The following TSPAN18 variants were observed in gnomAD, a reference collection of about 807,000 sequenced individuals.
TSPAN18 encodes the protein tetraspanin 18.
A neutral mutation model predicts 27.3 loss-of-function variants in TSPAN18; 14 were observed. The ratio of observed to expected loss-of-function variants is 0.51; its 90% confidence interval spans 0.34 to 0.80. The LOEUF (loss-of-function observed/expected upper bound fraction) is 0.80, where lower values mean the gene tolerates loss of function less well. Among genes scored for constraint, TSPAN18 ranks in the 30% least tolerant of loss-of-function variants. The pLI is 0.01. For synonymous variants in TSPAN18, 143 were observed against 136.5 expected, an observed-to-expected ratio of 1.05 and a Z score of -0.33; for missense variants, 268 against 323.9, an observed-to-expected ratio of 0.83 and a Z score of 1.32.
intron 2 of TSPAN18, among the ~76,000 whole-genome samples, chr11:44,840,140 T>C (rs835783): frequency 0.88 from 133,393 of 152,246 alleles, 58,510 homozygotes; most frequent in East Asian, 0.93. Flanking sequence ...CCTTGAGCAA[T>C]GTTGTTTGAG....
intron 2 of TSPAN18, among the ~76,000 whole-genome samples, chr11:44,842,922 C>A (rs1229698479): frequency 6.6e-6 from 1 of 152,070 alleles, no homozygotes; most frequent in South Asian, 2.1e-4. Context: ...TTTTCCCTCC[C>A]CCTTCCCCCA....
chr11:44,829,366 C>G (rs2135139947), intron 2 of TSPAN18, among the ~76,000 whole-genome samples: 1 of 152,286 alleles, frequency 6.6e-6, no homozygotes, highest in South Asian at 2.1e-4. Flanking sequence ...CTGAACCTCC[C>G]ACAACCACTA....
At chr11:44,858,791 G>A (rs1020161605) in intron 2 of TSPAN18, among the ~76,000 whole-genome samples, 2 of 152,196 alleles carry the variant, frequency 1.3e-5, no homozygotes, top group Non-Finnish European at 2.9e-5. Flanking sequence ...CTGGGACAGG[G>A]TTGGCTGAAG....
intron 1 of TSPAN18, among the ~76,000 whole-genome samples, chr11:44,727,971 C>G (rs112353474): frequency 0.054 from 8,154 of 152,264 alleles, 295 homozygotes; most frequent in African/African-American, 0.096. Flanking sequence ...GGGATCGCGC[C>G]GGCTCCGGGT....
intron 2 of TSPAN18, among the ~76,000 whole-genome samples, chr11:44,805,826 C>T (rs1358649096): frequency 2.0e-5 from 3 of 152,006 alleles, no homozygotes; most frequent in African/African-American, 4.8e-5. Flanking sequence ...GGTTTGTAGA[C>T]GCATCACTCT....
intron 1 of TSPAN18, among the ~76,000 whole-genome samples, chr11:44,757,954 A>C (rs1855369565): frequency 6.6e-6 from 1 of 152,120 alleles, no homozygotes. Context: ...TTTGATGCAC[A>C]AATTTAAATT....
intron 3 of TSPAN18, among the ~76,000 whole-genome samples, chr11:44,905,442 G>A (rs973263500): frequency 7.9e-5 from 12 of 152,146 alleles, no homozygotes; most frequent in Admixed American, 5.2e-4. Context: ...CGGACATGTC[G>A]TTTTCATTCT....
chr11:44,788,582 G>A (rs747275310), intron 2 of TSPAN18, among the ~76,000 whole-genome samples: 3 of 150,852 alleles, frequency 2.0e-5, no homozygotes, highest in African/African-American at 7.3e-5. Context: ...TCCAGCCTCC[G>A]GAGTAGCTGG....
chr11:44,911,937 C>G (rs1464553542), intron 5 of TSPAN18, among the ~76,000 whole-genome samples: 1 of 143,882 alleles, frequency 7.0e-6, no homozygotes, highest in Admixed American at 6.9e-5. Flanking sequence ...TTCCCCTCCC[C>G]ACCCCCGCCT....
intron 1 of TSPAN18, among the ~76,000 whole-genome samples, chr11:44,739,385 G>A (rs556871345): frequency 6.6e-6 from 1 of 152,332 alleles, no homozygotes; most frequent in South Asian, 2.1e-4. Flanking sequence ...CACTTTGGGA[G>A]GCTGAGGCGG....
chr11:44,916,984 G>A (rs1241210153), intron 5 of TSPAN18, among the ~76,000 whole-genome samples: 4 of 152,220 alleles, frequency 2.6e-5, no homozygotes, highest in Admixed American at 6.5e-5. Context: ...GACCAGGGCC[G>A]GTGATGTGGC....
chr11:44,802,271 C>G (rs767051312), intron 2 of TSPAN18, among the ~76,000 whole-genome samples: 13 of 147,444 alleles, frequency 8.8e-5, no homozygotes, highest in Non-Finnish European at 1.5e-4. Flanking sequence ...CACAAAGGCT[C>G]TGAGATGGGT....
intron 9 of TSPAN18, among the ~76,000 whole-genome samples, chr11:44,927,157 T>C (rs1178846027): frequency 6.6e-6 from 1 of 152,222 alleles, no homozygotes; most frequent in Non-Finnish European, 1.5e-5. Context: ...TGTGGGGTGT[T>C]CAGGGCCTAC....
At chr11:44,913,627 A>G (rs956551378) in intron 5 of TSPAN18, among the ~76,000 whole-genome samples, 1 of 152,272 alleles carries the variant, frequency 6.6e-6, no homozygotes, top group African/African-American at 2.4e-5. Flanking sequence ...TACATGCAGT[A>G]TGTAAATTTG....
rs1859456736 is a variant in TSPAN18 at position 44,906,466 on chromosome 11, ATTTC to A, written c.53_56del (p.Phe18SerfsTer74). 1 of 1,613,896 alleles carries A rather than the reference ATTTC, an allele frequency of 6.2e-7. No individual in the cohort carries two copies. Among genetic ancestry groups the A allele is most frequent in the South Asian group, 1.1e-5 (1 of 91,074 alleles). On this transcript the variant is annotated frameshift_variant, in exon 4 of 10. Coordinates refer to ENST00000520358, the MANE Select transcript of TSPAN18 (RefSeq NM_130783.5). LOFTEE classifies it high-confidence loss of function. ...ATGAAGTATCTGATGTTTGTATTCAATTTCTTCATATTTGTAAGTATTCCTGGGT... is the reference window on the plus strand; with the variant it reads ...ATGAAGTATCTGATGTTTGTATTCAATTCATATTTGTAAGTATTCCTGGGT...
intron 2 of TSPAN18, among the ~76,000 whole-genome samples, chr11:44,784,445 C>A (rs1355142084): frequency 6.6e-6 from 1 of 152,190 alleles, no homozygotes; most frequent in African/African-American, 2.4e-5. Flanking sequence ...TCCACAAAGG[C>A]CATAGATGTT....
intron 2 of TSPAN18, among the ~76,000 whole-genome samples, chr11:44,793,597 G>A (rs926023961): frequency 3.3e-5 from 5 of 152,182 alleles, no homozygotes; most frequent in Non-Finnish European, 1.5e-5. Flanking sequence ...TCATAATAGA[G>A]CCAACCTTGT....
At chr11:44,920,803 C>T (rs1264005977) in intron 8 of TSPAN18, among the ~76,000 whole-genome samples, 1 of 152,168 alleles carries the variant, frequency 6.6e-6, no homozygotes, top group African/African-American at 2.4e-5. Context: ...CAGCAGGGGA[C>T]AGGAGACAAG....
chr11:44,774,355 A>C (rs1479205581), intron 2 of TSPAN18, among the ~76,000 whole-genome samples: 1 of 152,200 alleles, frequency 6.6e-6, no homozygotes, highest in Non-Finnish European at 1.5e-5. Context: ...TGCATCTCAC[A>C]GTGTGTCCCC....
Sources: allele counts gnomAD v4.1 joint callset (sites outside exome capture counted in the v4.1 genomes callset), GRCh38; gene constraint gnomAD v4.1.1; transcripts MANE v1.5; gene names NCBI Gene and HGNC (gene_info 2026-07-23, HGNC 2026-07-21).